Variants in GRAMD2B observed in about 807,000 individuals in gnomAD.
GRAMD2B encodes GRAM domain-containing protein 2B.
Under a neutral mutation model 59.2 loss-of-function variants are expected in GRAMD2B, and 41 were observed. The ratio of observed to expected loss-of-function variants is 0.69; its 90% CI spans 0.54 to 0.90. The LOEUF (loss-of-function observed/expected upper bound fraction) is 0.90, where lower values mean the gene tolerates loss of function less well. Among genes scored for constraint, GRAMD2B ranks in the 40% least tolerant of loss-of-function variants. The pLI is 0.00. For missense variants in GRAMD2B, 424 were observed against 500.5 expected (o/e 0.85, Z 1.46); for synonymous variants, 161 against 182.7 (o/e 0.88, Z 0.96).
chr5:126,494,129 A>AATAAATAC lies in GRAMD2B; in HGVS notation c.*1174_*1181dup, dbSNP rs1774362748. ...TGTGCCTGGTGCACCTCTGGCTTTT[A>AATAAATAC]ATAAATACTCATTGGTTGAAACACC... On this transcript the variant is annotated 3_prime_UTR_variant, in exon 14 of 14. Transcript: ENST00000285689. 6.6e-6 allele frequency: 1 copy of AATAAATAC among 152,644 alleles called. No individual in the cohort carries two copies. The highest frequency in any genetic ancestry group is 1.5e-5 in the Non-Finnish European group (1 of 68,046). The allele number at this position is 152,644 out of a possible 1,614,324, so 9.5% of individuals were successfully genotyped here.
chr5:126,384,022 T>C (rs1755889566), intron 1 of GRAMD2B, among the ~76,000 whole-genome samples: 1 of 152,206 alleles, frequency 6.6e-6, no homozygotes, highest in South Asian at 2.1e-4. Context: ...AATAATGGTA[T>C]ATTTACTCAT....
intron 1 of GRAMD2B, among the ~76,000 whole-genome samples, chr5:126,413,187 G>T (rs1053036035): frequency 1.3e-5 from 2 of 151,980 alleles, no homozygotes; most frequent in Non-Finnish European, 2.9e-5. Context: ...TTCCCTGGGG[G>T]TGATGTTAGA....
intron 1 of GRAMD2B, among the ~76,000 whole-genome samples, chr5:126,376,824 G>A (rs1452954186): frequency 6.6e-6 from 1 of 152,112 alleles, no homozygotes; most frequent in Non-Finnish European, 1.5e-5. Flanking sequence ...AATGGGCAAG[G>A]TCAGGGCAGG....
chr5:126,439,708 A>T (rs549241577), intron 1 of GRAMD2B, among the ~76,000 whole-genome samples: 9 of 152,274 alleles, frequency 5.9e-5, no homozygotes, highest in African/African-American at 2.2e-4. Flanking sequence ...TTATCAGAAA[A>T]ATTATAAAAG....
intron 1 of GRAMD2B, among the ~76,000 whole-genome samples, chr5:126,398,463 G>A (rs1757558026): frequency 6.6e-6 from 1 of 151,850 alleles, no homozygotes; most frequent in Admixed American, 6.6e-5. Flanking sequence ...GATATTTGTT[G>A]TAATGTCTCC....
intron 1 of GRAMD2B, among the ~76,000 whole-genome samples, chr5:126,442,395 A>G (rs1173116253): frequency 3.3e-5 from 5 of 151,152 alleles, no homozygotes; most frequent in Non-Finnish European, 7.4e-5. Context: ...GGTTCAAGCA[A>G]TTCTCCTGCC....
chr5:126,452,445 CATT>C (rs1317093391), intron 1 of GRAMD2B, among the ~76,000 whole-genome samples: 1 of 152,182 alleles, frequency 6.6e-6, no homozygotes, highest in African/African-American at 2.4e-5. Context: ...GTTTCCCTGA[CATT>C]ACTCTCTTGC....
chr5:126,421,582 G>C (rs747813987), upstream of GRAMD2B, among the ~76,000 whole-genome samples: 1 of 152,116 alleles, frequency 6.6e-6, no homozygotes, highest in Non-Finnish European at 1.5e-5. Flanking sequence ...AGAGAGAGAG[G>C]CCTGACTAAG....
In GRAMD2B at chr5:126,477,702, C is replaced by T; in HGVS notation, c.497C>T (p.Pro166Leu). 6.3e-7 allele frequency: 1 copy of T among 1,597,550 alleles called. No individual in the cohort carries two copies. Among genetic ancestry groups the T allele is most frequent in the Non-Finnish European group, 8.6e-7 (1 of 1,165,060 alleles). The change falls in exon 6 of 14, where the codon CCA becomes CTA. Residue 166 changes from proline (P) to leucine (L), a missense_variant. Physicochemically the swap from Pro to Leu is moderately conservative, Grantham distance 98. Transcript: ENST00000285689. ...CTGATTCTGTTTCAGATCTCTATTC[C>T]AGCTTTCTCGGTAACCCTAATAAAG... ...VFGKDTKISI[P>L]AFSVTLIKKT...
intron 1 of GRAMD2B, among the ~76,000 whole-genome samples, chr5:126,402,718 T>C (rs1757942642): frequency 6.6e-6 from 1 of 152,046 alleles, no homozygotes; most frequent in African/African-American, 2.4e-5. Context: ...TTTGTGGGAA[T>C]AGTCTTACAT....
intron 1 of GRAMD2B, among the ~76,000 whole-genome samples, chr5:126,399,110 A>G (rs1757610813): frequency 6.6e-6 from 1 of 152,138 alleles, no homozygotes; most frequent in Non-Finnish European, 1.5e-5. Context: ...TGTTAGGTAC[A>G]TTTGGTCTAC....
intron 1 of GRAMD2B, among the ~76,000 whole-genome samples, chr5:126,460,291 G>A (rs1391663869): frequency 6.6e-6 from 1 of 152,122 alleles, no homozygotes; most frequent in African/African-American, 2.4e-5. Context: ...CATGAAACAG[G>A]GGTAAAAAGA....
At chr5:126,420,975 C>T (rs1374268629), upstream of GRAMD2B, among the ~76,000 whole-genome samples, 2 of 152,022 alleles carry the variant, frequency 1.3e-5, no homozygotes, top group African/African-American at 4.8e-5. Context: ...GTGAAACAAG[C>T]CAGACACAAA....
chr5:126,401,991 CAAATTCT>C (rs1757880864), intron 1 of GRAMD2B, among the ~76,000 whole-genome samples: 1 of 152,028 alleles, frequency 6.6e-6, no homozygotes, highest in Admixed American at 6.6e-5. Context: ...GGTAGGCTTT[CAAATTCT>C]AACAAAACAA....
chr5:126,481,110 TAC>T (rs1289392486), intron 8 of GRAMD2B, among the ~76,000 whole-genome samples: 1 of 148,798 alleles, frequency 6.7e-6, no homozygotes, highest in Non-Finnish European at 1.5e-5. Context: ...CACTGTAGGA[TAC>T]CAGGAAAAAT....
chr5:126,470,280 A>G (rs771240710), intron 3 of GRAMD2B, among the ~76,000 whole-genome samples: 5 of 152,222 alleles, frequency 3.3e-5, no homozygotes, highest in African/African-American at 1.2e-4. Flanking sequence ...GCCTAGTTCT[A>G]TGTCATCAGA....
intron 1 of GRAMD2B, among the ~76,000 whole-genome samples, chr5:126,462,765 G>A (rs1767607208): frequency 6.6e-6 from 1 of 152,166 alleles, no homozygotes; most frequent in Non-Finnish European, 1.5e-5. Context: ...TATAAAATCA[G>A]CAGGCAGCAT....
At chr5:126,363,270 C>T (rs114161005) in intron 1 of GRAMD2B, among the ~76,000 whole-genome samples, 163 of 152,020 alleles carry the variant, frequency 1.1e-3, no homozygotes, top group African/African-American at 3.4e-3. Flanking sequence ...CACAATGCAA[C>T]GCCACTTCAT....
rs566653026 is a variant in GRAMD2B at position 126,363,111 on chromosome 5, G to A, written c.128+2652G>A. Among the ~76,000 whole-genome samples the A allele has an allele frequency of 3.0e-4, 45 of 152,134 alleles. No individual in the cohort carries two copies. The East Asian group carries it at 4.6e-3, about 16-fold the overall frequency. On this transcript the variant is annotated intron_variant, in intron 1 of 13. Coordinates refer to the GRAMD2B transcript ENST00000513040. Reference sequence around the variant, plus strand: ...TGTAGCCACAATATATAAAGCATACGAGTCAATAATAAAAAGACAAATAAC... The same window carrying A: ...TGTAGCCACAATATATAAAGCATACAAGTCAATAATAAAAAGACAAATAAC...
Sources: gnomAD v4.1 joint callset for allele counts (sites outside exome capture counted in the v4.1 genomes callset) on GRCh38, gnomAD v4.1.1 for gene constraint, MANE v1.5 for transcripts, NCBI Gene and HGNC (gene_info 2026-07-23, HGNC 2026-07-21) for gene names.